Variants in CACNA2D3 observed in about 807,000 individuals in gnomAD.
CACNA2D3 encodes calcium voltage-gated channel auxiliary subunit alpha2delta 3, also known as voltage-dependent calcium channel subunit alpha-2/delta-3.
CACNA2D3 carries 60 observed loss-of-function variants against 160.6 expected under a neutral mutation model. That is an observed-to-expected ratio of 0.37 (90% CI 0.30 to 0.46). The LOEUF is 0.46. Among genes scored for constraint, CACNA2D3 ranks in the 20% least tolerant of loss-of-function variants. CACNA2D3 has a pLI of 1.00. For missense variants in CACNA2D3, 1,205 were observed against 1,365.0 expected (o/e 0.88, Z 1.85); for synonymous variants, 558 against 492.9 (o/e 1.13, Z -1.75).
chr3:54,204,313 A>G (rs1701231430), intron 2 of CACNA2D3, among the ~76,000 whole-genome samples: 1 of 151,950 alleles, frequency 6.6e-6, no homozygotes, highest in South Asian at 2.1e-4. Flanking sequence ...ATGGAAATAT[A>G]TGTGTGTGTG....
intron 35 of CACNA2D3, among the ~76,000 whole-genome samples, chr3:55,059,198 T>A (rs1200559309): frequency 1.3e-5 from 2 of 152,198 alleles, no homozygotes; most frequent in Admixed American, 6.5e-5. Context: ...TCTATTTTGC[T>A]AAATGAACCC....
At chr3:54,473,639 C>G (rs1037792958) in intron 4 of CACNA2D3, among the ~76,000 whole-genome samples, 1 of 152,122 alleles carries the variant, frequency 6.6e-6, no homozygotes, top group Non-Finnish European at 1.5e-5. Flanking sequence ...ATCCATCTGA[C>G]AAAGGACTAA....
chr3:54,810,203 G>A (rs1163539793), intron 13 of CACNA2D3, among the ~76,000 whole-genome samples: 1 of 152,192 alleles, frequency 6.6e-6, no homozygotes, highest in Non-Finnish European at 1.5e-5. Context: ...AGCACAGGCT[G>A]CCAAGTACCA....
chr3:54,404,582 A>T, intron 4 of CACNA2D3, among the ~76,000 whole-genome samples: 1 of 152,190 alleles, frequency 6.6e-6, no homozygotes, highest in East Asian at 1.9e-4. Context: ...TAAGGTAAGA[A>T]TGCCCACACT....
chr3:54,952,294 C>G (rs973065039), intron 27 of CACNA2D3, among the ~76,000 whole-genome samples: 1 of 152,190 alleles, frequency 6.6e-6, no homozygotes, highest in South Asian at 2.1e-4. Flanking sequence ...ACTAAGCCCC[C>G]CAGGGCTCTG....
intron 2 of CACNA2D3, among the ~76,000 whole-genome samples, chr3:54,222,396 T>C (rs931682576): frequency 6.6e-6 from 1 of 152,220 alleles, no homozygotes; most frequent in African/African-American, 2.4e-5. Context: ...AATAAACCAA[T>C]GTCCCAGCTC....
rs146858793 is a variant in CACNA2D3 at position 54,775,795 on chromosome 3, C to T, written c.1380+11444C>T. On this transcript the variant is annotated intron_variant, in intron 13 of 37. Transcript: ENST00000474759. ...CCTCTTAGAAAGCATTGGCTGTAGG[C>T]AAGAGAACCCACTCAAGCTGTGAGA... Among the ~76,000 whole-genome samples, 495 of 152,246 alleles carry T rather than the reference C, an allele frequency of 3.3e-3. 2 individuals carry two copies. Among genetic ancestry groups the T allele is most frequent in the African/African-American group, 0.011 (475 of 41,558 alleles).
chr3:54,214,168 AG>A (rs1192957435), intron 2 of CACNA2D3, among the ~76,000 whole-genome samples: 1 of 152,332 alleles, frequency 6.6e-6, no homozygotes, highest in African/African-American at 2.4e-5. Flanking sequence ...CTCATATTCC[AG>A]AAGACTCTGA....
At chr3:54,317,887 C>G (rs921609593) in intron 2 of CACNA2D3, among the ~76,000 whole-genome samples, 1 of 152,160 alleles carries the variant, frequency 6.6e-6, no homozygotes, top group African/African-American at 2.4e-5. Context: ...CTTACCTACT[C>G]CTGTGATAAC....
intron 35 of CACNA2D3, among the ~76,000 whole-genome samples, chr3:55,051,608 CT>C (rs1289862432): frequency 2.6e-5 from 4 of 152,036 alleles, no homozygotes; most frequent in African/African-American, 9.7e-5. Context: ...GCAGGCAGGC[CT>C]CCTTGAGCTG....
chr3:54,257,821 C>T (rs1305337537), intron 2 of CACNA2D3, among the ~76,000 whole-genome samples: 4 of 152,058 alleles, frequency 2.6e-5, no homozygotes, highest in African/African-American at 9.7e-5. Flanking sequence ...CATTCAGTTG[C>T]CTTCAGAAGC....
At chr3:54,521,872 G>C (rs1701651285) in intron 5 of CACNA2D3, among the ~76,000 whole-genome samples, 1 of 152,132 alleles carries the variant, frequency 6.6e-6, no homozygotes, top group Admixed American at 6.5e-5. Context: ...AGTTTACCAT[G>C]GACACACAGC....
At chr3:54,645,955 G>A (rs140842772) in intron 11 of CACNA2D3, among the ~76,000 whole-genome samples, 388 of 152,074 alleles carry the variant, frequency 2.6e-3, no homozygotes, top group African/African-American at 8.2e-3. Flanking sequence ...TCCCCCTAGT[G>A]TTTATGTCCT....
At chr3:54,717,079 C>T (rs1701064611) in intron 11 of CACNA2D3, among the ~76,000 whole-genome samples, 1 of 152,076 alleles carries the variant, frequency 6.6e-6, no homozygotes, top group Admixed American at 6.6e-5. Context: ...CCTGTTATTG[C>T]ACCAGAACCT....
At chr3:55,016,230 G>T (rs1703323346) in intron 34 of CACNA2D3, among the ~76,000 whole-genome samples, 1 of 152,174 alleles carries the variant, frequency 6.6e-6, no homozygotes, top group Non-Finnish European at 1.5e-5. Flanking sequence ...CTACCAAAAA[G>T]TGATGGTTCA....
At chr3:54,780,132 T>C (rs1702504762) in intron 13 of CACNA2D3, among the ~76,000 whole-genome samples, 2 of 152,200 alleles carry the variant, frequency 1.3e-5, no homozygotes. Flanking sequence ...ATAAAGAATA[T>C]TGCTACAACA....
chr3:54,850,898 TG>T (rs1190437861), intron 17 of CACNA2D3, among the ~76,000 whole-genome samples: 2 of 152,188 alleles, frequency 1.3e-5, no homozygotes, highest in Admixed American at 1.3e-4. Context: ...GTGGATGAGA[TG>T]GGAGGTAAAA....
chr3:54,403,395 A>ACACG (rs1179928670), intron 4 of CACNA2D3, among the ~76,000 whole-genome samples: 18 of 140,136 alleles, frequency 1.3e-4, no homozygotes, highest in African/African-American at 4.1e-4. Flanking sequence ...ACACACACAC[A>ACACG]CACGCACACA....
At chr3:55,065,477 A>G (rs1704613176) in intron 35 of CACNA2D3, among the ~76,000 whole-genome samples, 1 of 152,248 alleles carries the variant, frequency 6.6e-6, no homozygotes, top group African/African-American at 2.4e-5. Flanking sequence ...CAAGAATGTC[A>G]GTATTCATGC....
Sources: gnomAD v4.1 joint callset for allele counts (sites outside exome capture counted in the v4.1 genomes callset) on GRCh38, gnomAD v4.1.1 for gene constraint, MANE v1.5 for transcripts, NCBI Gene and HGNC (gene_info 2026-07-23, HGNC 2026-07-21) for gene names.